CNTNAP2: variants seen among roughly 807,000 people sequenced by gnomAD.
The protein encoded by CNTNAP2 is contactin associated protein 2, also known as contactin-associated protein-like 2.
A neutral mutation model predicts 155.2 loss-of-function variants in CNTNAP2; 98 were observed. The observed-to-expected ratio is 0.63, with a 90% CI of 0.54 to 0.75. The LOEUF (loss-of-function observed/expected upper bound fraction) is 0.75, where lower values mean the gene tolerates loss of function less well. Among genes scored for constraint, CNTNAP2 ranks in the 30% least tolerant of loss-of-function variants. CNTNAP2 has a pLI of 0.00. For missense variants in CNTNAP2, 1,727 were observed against 1,688.1 expected, an observed-to-expected ratio of 1.02 and a Z score of -0.40; for synonymous variants, 651 against 631.2, an observed-to-expected ratio of 1.03 and a Z score of -0.47.
rs375875368 is a variant in CNTNAP2, at chr7:146,140,669, G to A, written c.97+23696G>A. 1.2e-4 allele frequency among the ~76,000 whole-genome samples: 19 copies of A among 152,088 alleles called. No homozygotes were observed. The East Asian group carries it at 1.5e-3, about 12-fold the overall frequency. ...ATTTCAGTTCTTGATAGGGACAAAC[G>A]ATATTTTGTTGATAATGGATCTTCA... On this transcript the variant is annotated intron_variant, in intron 1 of 23. Transcript: ENST00000361727.
At chr7:147,835,589 G>A (rs904427638) in intron 13 of CNTNAP2, among the ~76,000 whole-genome samples, 1 of 152,138 alleles carries the variant, frequency 6.6e-6, no homozygotes, top group African/African-American at 2.4e-5. Context: ...TAATAATAAT[G>A]ATTGGAAATC....
At chr7:146,673,100 T>C (rs988914257) in intron 1 of CNTNAP2, among the ~76,000 whole-genome samples, 13 of 152,144 alleles carry the variant, frequency 8.5e-5, no homozygotes, top group Non-Finnish European at 1.2e-4. Context: ...GTTACATTAG[T>C]TCAGAATCAT....
rs768583505 is a variant in CNTNAP2 at position 146,334,145 on chromosome 7, G to A, written c.97+217172G>A. ...AGTCCTATAGCAGCTTAATTAAAGC[G>A]CCCTGGCCGGGCGCGGTGGCTCACG... On this transcript the variant is annotated intron_variant, in intron 1 of 23. Transcript: ENST00000361727. Among the ~76,000 whole-genome samples, 5 of 152,002 alleles carry A rather than the reference G, an allele frequency of 3.3e-5. No homozygotes were observed. In the East Asian group the frequency reaches 7.7e-4, roughly 24 times the overall value.
chr7:147,065,779 C>T (rs181516397), intron 4 of CNTNAP2, among the ~76,000 whole-genome samples: 4 of 151,972 alleles, frequency 2.6e-5, no homozygotes, highest in African/African-American at 7.3e-5. Context: ...TTGCACAAAG[C>T]TAATAGGCAT....
At chr7:148,142,093 CTGTGTGTGTGTGTGTG>C (rs71527881) in intron 16 of CNTNAP2, among the ~76,000 whole-genome samples, 4 of 136,414 alleles carry the variant, frequency 2.9e-5, no homozygotes, top group East Asian at 2.2e-4. Flanking sequence ...AGATATGTCT[CTGTGTGTGTGTGTGTG>C]TGTGTGTGTG....
chr7:146,186,883 C>T (rs1021494982), intron 1 of CNTNAP2, among the ~76,000 whole-genome samples: 13 of 152,078 alleles, frequency 8.5e-5, no homozygotes, highest in African/African-American at 3.1e-4. Context: ...TTTAAGAATG[C>T]ATAATGCATT....
In CNTNAP2 at chr7:147,756,559, GA is replaced by G. The variant is rs1797216002; in HGVS notation, c.2098+117260del. Among the ~76,000 whole-genome samples, 6 of 152,052 alleles carry G rather than the reference GA, an allele frequency of 3.9e-5. No individual in the cohort carries two copies. The South Asian group carries it at 1.2e-3, about 32-fold the overall frequency. On this transcript the variant is annotated intron_variant, in intron 13 of 23. Coordinates refer to ENST00000361727, the MANE Select transcript of CNTNAP2 (RefSeq NM_014141.6). ...AAGTTAATCATGGTCTAAGGACATT[GA>G]AAAAAAGCTGAGAAGTGAGTGAATT...
At chr7:146,241,708 T>C (rs1028558937) in intron 1 of CNTNAP2, among the ~76,000 whole-genome samples, 1 of 152,128 alleles carries the variant, frequency 6.6e-6, no homozygotes, top group Admixed American at 6.6e-5. Context: ...GCCCATAGTT[T>C]TTTCCTGGTG....
chr7:147,623,788 A>G (rs1794913836), intron 12 of CNTNAP2, among the ~76,000 whole-genome samples: 1 of 152,044 alleles, frequency 6.6e-6, no homozygotes, highest in Non-Finnish European at 1.5e-5. Context: ...TGGAACCACA[A>G]AAGACCCAGA....
intron 15 of CNTNAP2, among the ~76,000 whole-genome samples, chr7:148,088,134 G>T (rs1803770209): frequency 6.6e-6 from 1 of 151,964 alleles, no homozygotes; most frequent in Admixed American, 6.6e-5. Flanking sequence ...TTGAATCCTT[G>T]TATCTAGCAC....
At chr7:146,933,731 C>G (rs1401258886) in intron 3 of CNTNAP2, among the ~76,000 whole-genome samples, 1 of 151,256 alleles carries the variant, frequency 6.6e-6, no homozygotes, top group Admixed American at 6.6e-5. Flanking sequence ...TGAACTCAAA[C>G]AAATTTACAA....
rs895300096 is a variant in CNTNAP2, at chr7:146,622,586, A to G, written c.98-151685A>G. 2.0e-5 allele frequency among the ~76,000 whole-genome samples: 3 copies of G among 152,134 alleles called. No homozygotes were observed. The East Asian group carries it at 5.8e-4, about 29-fold the overall frequency. ...ATATTGATGTATCCAACTATAATCA[A>G]CTATAATCAATTACCATGTCAATCA... On this transcript the variant is annotated intron_variant, in intron 1 of 23. Transcript: ENST00000361727.
chr7:146,463,480 G>A (rs73462764), intron 1 of CNTNAP2, among the ~76,000 whole-genome samples: 4,822 of 151,880 alleles, frequency 0.032, 147 homozygotes, highest in African/African-American at 0.075. Flanking sequence ...TGTTAACCAC[G>A]TGTCAGGAAC....
intron 8 of CNTNAP2, among the ~76,000 whole-genome samples, chr7:147,298,805 C>A (rs766480555): frequency 3.9e-5 from 6 of 152,184 alleles, no homozygotes; most frequent in Non-Finnish European, 5.9e-5. Flanking sequence ...ATAATTTTCA[C>A]ATGTCACTAA....
chr7:147,978,583 G>A (rs564686159), intron 15 of CNTNAP2, among the ~76,000 whole-genome samples: 1 of 152,120 alleles, frequency 6.6e-6, no homozygotes, highest in African/African-American at 2.4e-5. Context: ...GGAGGTAAGG[G>A]AGTTGGAGTG....
chr7:147,368,096 T>TCTCACA lies in CNTNAP2; in HGVS notation c.1499-27512_1499-27511insTCACAC, dbSNP rs1160776624. Among the ~76,000 whole-genome samples, 898 of 117,140 alleles carry TCTCACA rather than the reference T, an allele frequency of 7.7e-3. 9 individuals are homozygous for TCTCACA. The highest frequency in any genetic ancestry group is 0.011 in the Non-Finnish European group (636 of 58,812). The allele number at this position is 117,140 out of a possible 152,430, so 76.8% of individuals were successfully genotyped here. ...CTCCCTCCTTTCCTCTCTCTCTCTG[T>TCTCACA]CACACACACACACACACACACACAC... On this transcript the variant is annotated intron_variant, in intron 9 of 23. Transcript: ENST00000361727.
At chr7:146,971,763 T>C (rs1280323060) in intron 3 of CNTNAP2, among the ~76,000 whole-genome samples, 2 of 152,150 alleles carry the variant, frequency 1.3e-5, no homozygotes, top group African/African-American at 2.4e-5. Flanking sequence ...CCTGCCCTTG[T>C]GACTTAATCA....
intron 21 of CNTNAP2, among the ~76,000 whole-genome samples, chr7:148,283,255 A>AGAAAAGAAAAGAAAAGAAAG (rs1277840999): frequency 6.3e-5 from 4 of 63,630 alleles, no homozygotes; most frequent in East Asian, 6.0e-4. Flanking sequence ...AAAAAAAAAA[A>AGAAAAGAAAAGAAAAGAAAG]AAAGAAAGAA....
intron 12 of CNTNAP2, among the ~76,000 whole-genome samples, chr7:147,588,142 T>A (rs900753019): frequency 5.9e-5 from 9 of 152,082 alleles, no homozygotes; most frequent in African/African-American, 2.2e-4. Context: ...AATTATGAAT[T>A]TTTTTTGTAG....
Sources: gnomAD v4.1 joint callset for allele counts (sites outside exome capture counted in the v4.1 genomes callset) on GRCh38, gnomAD v4.1.1 for gene constraint, MANE v1.5 for transcripts, NCBI Gene and HGNC (gene_info 2026-07-23, HGNC 2026-07-21) for gene names.